The following MDGA2 variants were observed in gnomAD, a reference collection of about 807,000 sequenced individuals.
MDGA2 encodes MAM domain containing glycosylphosphatidylinositol anchor 2.
A neutral mutation model predicts 117.8 loss-of-function variants in MDGA2; 40 were observed. The ratio of observed to expected loss-of-function variants is 0.34; its 90% CI spans 0.26 to 0.44. The LOEUF (loss-of-function observed/expected upper bound fraction) is 0.44, where lower values mean the gene tolerates loss of function less well. MDGA2 is among the 20% of genes least tolerant of loss of function. MDGA2 has a pLI of 1.00. For synonymous variants in MDGA2, 452 were observed against 439.0 expected (o/e 1.03, Z -0.37); for missense variants, 1,123 against 1,250.6 (o/e 0.90, Z 1.54).
At chr14:47,251,454 T>G (rs8020638) in intron 2 of MDGA2, among the ~76,000 whole-genome samples, 4 of 150,060 alleles carry the variant, frequency 2.7e-5, no homozygotes, top group Admixed American at 1.4e-4. Context: ...TGTAAGCACT[T>G]TATTATATTT....
At chr14:47,596,778 T>C (rs1212999601) in intron 1 of MDGA2, among the ~76,000 whole-genome samples, 1 of 152,196 alleles carries the variant, frequency 6.6e-6, no homozygotes, top group Admixed American at 6.5e-5. Context: ...AATATCCTTG[T>C]GAGGTTAGTA....
chr14:46,895,167 A>T (rs1883026772), intron 10 of MDGA2, among the ~76,000 whole-genome samples: 1 of 152,198 alleles, frequency 6.6e-6, no homozygotes, highest in African/African-American at 2.4e-5. Flanking sequence ...AGTTCTCATA[A>T]TCTTCACGTG....
chr14:47,103,575 A>G (rs544338612), intron 5 of MDGA2, among the ~76,000 whole-genome samples: 1 of 152,384 alleles, frequency 6.6e-6, no homozygotes, highest in Non-Finnish European at 1.5e-5. Context: ...ACAGTTTTTA[A>G]TGTAGGAGTA....
At chr14:47,183,213 T>A (rs755450763) in intron 3 of MDGA2, among the ~76,000 whole-genome samples, 19 of 152,298 alleles carry the variant, frequency 1.2e-4, no homozygotes, top group Middle Eastern at 3.4e-3. Context: ...CTTGATGTAT[T>A]CTGGTTCAAC....
intron 5 of MDGA2, among the ~76,000 whole-genome samples, chr14:47,108,871 G>C (rs563842588): frequency 6.6e-6 from 1 of 152,298 alleles, no homozygotes; most frequent in South Asian, 2.1e-4. Context: ...GATGATCCCC[G>C]TGTATAAGCT....
At chr14:47,322,292 T>A (rs921991561) in intron 1 of MDGA2, among the ~76,000 whole-genome samples, 1 of 152,142 alleles carries the variant, frequency 6.6e-6, no homozygotes, top group Non-Finnish European at 1.5e-5. Context: ...ACATATAAAA[T>A]AACATTTTCT....
chr14:47,103,176 A>T (rs1880439816), intron 5 of MDGA2, among the ~76,000 whole-genome samples: 1 of 152,222 alleles, frequency 6.6e-6, no homozygotes, highest in Non-Finnish European at 1.5e-5. Context: ...ATGCTAAACA[A>T]ATTAAATCCA....
intron 8 of MDGA2, among the ~76,000 whole-genome samples, chr14:47,014,429 T>A (rs974001716): frequency 6.6e-6 from 1 of 152,218 alleles, no homozygotes; most frequent in Non-Finnish European, 1.5e-5. Flanking sequence ...ATGAAAATCC[T>A]ACTGACATTT....
intron 1 of MDGA2, among the ~76,000 whole-genome samples, chr14:47,335,815 A>C (rs1301293062): frequency 1.4e-5 from 2 of 143,666 alleles, no homozygotes; most frequent in African/African-American, 5.2e-5. Context: ...CAAAATTTGA[A>C]GCAGGAAGGC....
chr14:47,633,669 A>G (rs1897276729), intron 1 of MDGA2, among the ~76,000 whole-genome samples: 1 of 152,210 alleles, frequency 6.6e-6, no homozygotes, highest in Non-Finnish European at 1.5e-5. Flanking sequence ...AGTGAACTAC[A>G]CTGCACATTT....
At chr14:47,410,957 T>A (rs1050959907) in intron 1 of MDGA2, among the ~76,000 whole-genome samples, 2 of 152,194 alleles carry the variant, frequency 1.3e-5, no homozygotes, top group Admixed American at 1.3e-4. Context: ...CTTTAGTCTG[T>A]TGAATAGGCT....
intron 9 of MDGA2, among the ~76,000 whole-genome samples, chr14:46,936,506 C>T (rs1884786835): frequency 4.6e-5 from 7 of 151,908 alleles, no homozygotes; most frequent in Middle Eastern, 3.2e-3. Flanking sequence ...TCTGAAATAG[C>T]ATATATAACC....
intron 1 of MDGA2, among the ~76,000 whole-genome samples, chr14:47,561,301 A>C (rs1049369968): frequency 1.3e-5 from 2 of 151,594 alleles, no homozygotes; most frequent in East Asian, 1.9e-4. Flanking sequence ...AATAGCATTG[A>C]ATCTGTAAAT....
intron 2 of MDGA2, among the ~76,000 whole-genome samples, chr14:47,231,713 A>T (rs1365878776): frequency 6.6e-6 from 1 of 151,562 alleles, no homozygotes; most frequent in Admixed American, 6.6e-5. Context: ...CTGGTACGGA[A>T]AAAATAAGAA....
chr14:47,269,284 C>G (rs939002327), intron 2 of MDGA2, among the ~76,000 whole-genome samples: 1 of 152,122 alleles, frequency 6.6e-6, no homozygotes, highest in Non-Finnish European at 1.5e-5. Context: ...GATCCATGGT[C>G]ATCATTAACT....
chr14:47,532,606 A>G (rs2144324), intron 1 of MDGA2, among the ~76,000 whole-genome samples: 114,729 of 152,132 alleles, frequency 0.75, 43,705 homozygotes, highest in East Asian at 1. Context: ...TTGCACTATC[A>G]CATTAGAATT....
chr14:47,657,030 A>G (rs1303532651), intron 1 of MDGA2, among the ~76,000 whole-genome samples: 3 of 152,154 alleles, frequency 2.0e-5, no homozygotes, highest in Non-Finnish European at 4.4e-5. Context: ...AAAGTTTTCA[A>G]TTCAGCCAAA....
chr14:47,171,022 A>T (rs1206562004), intron 3 of MDGA2, among the ~76,000 whole-genome samples: 2 of 152,204 alleles, frequency 1.3e-5, no homozygotes, highest in African/African-American at 4.8e-5. Flanking sequence ...TTGGCTTAAT[A>T]AATATAGGCT....
chr14:47,109,809 G>A (rs981429159), intron 5 of MDGA2, among the ~76,000 whole-genome samples: 1 of 152,086 alleles, frequency 6.6e-6, no homozygotes, highest in African/African-American at 2.4e-5. Flanking sequence ...AGCCAGGTGT[G>A]GTGGCACAGA....
Sources: gnomAD v4.1 joint callset for allele counts (sites outside exome capture counted in the v4.1 genomes callset) on GRCh38, gnomAD v4.1.1 for gene constraint, MANE v1.5 for transcripts, NCBI Gene and HGNC (gene_info 2026-07-23, HGNC 2026-07-21) for gene names.